Variants in AZGP1 observed in about 807,000 individuals in gnomAD.
AZGP1 encodes alpha-2-glycoprotein 1, zinc-binding.
A neutral mutation model predicts 31.5 loss-of-function variants in AZGP1; 28 were observed. That is an observed-to-expected ratio of 0.89 (90% CI 0.66 to 1.22). The LOEUF (loss-of-function observed/expected upper bound fraction) is 1.22. Ranked by LOEUF, AZGP1 falls within the 50% of genes most tolerant of loss-of-function variation. The pLI, the probability that AZGP1 is intolerant of heterozygous loss-of-function variation, is 0.00. For synonymous variants in AZGP1, 135 were observed against 145.4 expected (o/e 0.93, Z 0.51); for missense variants, 361 against 371.8 (o/e 0.97, Z 0.24).
chr7:99,971,656 A>G (rs904226047), intron 2 of AZGP1, 90 bp downstream of exon 2: 4 of 1,465,442 alleles, frequency 2.7e-6, no homozygotes, highest in Non-Finnish European at 3.7e-6. Flanking sequence ...GATTGGGACT[A>G]TTTCCATCCT....
intron 3 of AZGP1, chr7:99,967,551 A>T: frequency 1.9e-6 from 1 of 536,598 alleles, no homozygotes; most frequent in South Asian, 2.2e-5. Flanking sequence ...CCCACATCTC[A>T]GTGGGCTTTG....
At chr7:99,968,511 G>T in intron 2 of AZGP1, 81 bp from the exon 3 acceptor site, 1 of 1,541,022 alleles carries the variant, frequency 6.5e-7, no homozygotes, top group Non-Finnish European at 8.8e-7. Context: ...TTGCACATTG[G>T]GCAACCCAAA....
chr7:99,970,986 C>T (rs887043708), intron 2 of AZGP1, among the ~76,000 whole-genome samples: 19 of 152,176 alleles, frequency 1.2e-4, no homozygotes, highest in Admixed American at 6.5e-5. Context: ...CTGACCATAG[C>T]GCAGGTGGCC....
intron 2 of AZGP1, among the ~76,000 whole-genome samples, chr7:99,970,719 TCC>T (rs1290447425): frequency 6.6e-6 from 1 of 152,028 alleles, no homozygotes; most frequent in East Asian, 1.9e-4. Context: ...TACCAAGACC[TCC>T]CCCACCCCAC....
intron 1 of AZGP1, among the ~76,000 whole-genome samples, chr7:99,974,775 A>T (rs1451066358): frequency 1.3e-5 from 2 of 152,088 alleles, no homozygotes; most frequent in East Asian, 3.8e-4. Context: ...ATATATACAC[A>T]TACTATGCAC....
intron 1 of AZGP1, among the ~76,000 whole-genome samples, chr7:99,974,651 T>C (rs971448809): frequency 1.1e-4 from 16 of 152,110 alleles, no homozygotes; most frequent in Non-Finnish European, 1.9e-4. Context: ...AAAAGTATAA[T>C]TGGATTGTCT....
Position 99,968,108 on chromosome 7 carries a change from G to A in AZGP1, c.613+47C>T, listed in dbSNP as rs373538707. On this transcript the variant is annotated intron_variant, in intron 3 of 3. Coordinates refer to ENST00000292401, the MANE Select transcript of AZGP1 (RefSeq NM_001185.4). The stretch of plus-strand genomic sequence containing the variant: ...TTGCCTGAGCTCCTAGCCTGAGATC[G>A]TCTTTTATTCTGGGCTCAGTACTGG... The A allele has an allele frequency of 6.4e-5, 102 of 1,606,054 alleles. No homozygotes were observed. In the African/African-American group the frequency reaches 7.1e-4, roughly 11 times the overall value.
chr7:99,973,159 C>T (rs936878340), intron 1 of AZGP1, among the ~76,000 whole-genome samples: 2 of 151,662 alleles, frequency 1.3e-5, no homozygotes, highest in African/African-American at 2.4e-5. Flanking sequence ...CTGACAAATA[C>T]ATATAGTTAG....
At chr7:99,974,863 C>T (rs1789632871) in intron 1 of AZGP1, among the ~76,000 whole-genome samples, 1 of 152,036 alleles carries the variant, frequency 6.6e-6, no homozygotes, top group Non-Finnish European at 1.5e-5. Context: ...TGGTGGGCTT[C>T]ATCCAATCAG....
At chr7:99,967,707 C>T (rs781450195) in intron 3 of AZGP1, 3 of 417,728 alleles carry the variant, frequency 7.2e-6, no homozygotes, top group African/African-American at 2.0e-5. Flanking sequence ...TCCGCTCACA[C>T]TGGCTTGCTC....
intron 1 of AZGP1, 85 bp from the exon 2 acceptor site, chr7:99,972,091 A>T: frequency 1.4e-6 from 2 of 1,451,772 alleles, no homozygotes; most frequent in Admixed American, 4.6e-5. Flanking sequence ...GAGACCTGCC[A>T]CTGGCCTTTT....
In AZGP1 at chr7:99,968,229, G is replaced by A; in HGVS notation, c.539C>T (p.Ala180Val). The change falls in exon 3 of 4, where the codon GCT becomes GTT. Residue 180 changes from alanine to valine, a missense_variant. Coordinates refer to ENST00000292401, the MANE Select transcript of AZGP1 (RefSeq NM_001185.4). ...CGCAGGGCACTCCTCCTCCAGGTAA[G>A]CCTTGGCCCGCTGCACGTAGACTGG... The part of the protein sequence containing the change: ...AEPVYVQRAK[A>V]YLEEECPATL... The A allele has an allele frequency of 6.2e-7, 1 of 1,613,850 alleles. No individual in the cohort carries two copies. Among genetic ancestry groups the A allele is most frequent in the Non-Finnish European group, 8.5e-7 (1 of 1,180,004 alleles).
Position 99,968,141 on chromosome 7 carries a change from G to A in AZGP1, c.613+14C>T. The A allele has an allele frequency of 6.2e-7, 1 of 1,613,736 alleles. No individual in the cohort carries two copies. Among genetic ancestry groups the A allele is most frequent in the Non-Finnish European group, 8.5e-7 (1 of 1,179,942 alleles). Reference sequence around the variant, plus strand: ...TTCTGGGCTCAGTACTGGGGAGCAGGAAGCAGTGAGTACCTTGCCGGTCCA... The same window carrying A: ...TTCTGGGCTCAGTACTGGGGAGCAGAAAGCAGTGAGTACCTTGCCGGTCCA... On this transcript the variant is annotated intron_variant, in intron 3 of 3. Transcript: ENST00000292401.
At chr7:99,975,845 G>T in intron 1 of AZGP1, 100 bp downstream of exon 1, 1 of 1,328,086 alleles carries the variant, frequency 7.5e-7, no homozygotes, top group Non-Finnish European at 1.1e-6. Flanking sequence ...CCGTATGCCA[G>T]GGTATCCCAG....
chr7:99,968,156 T>G lies in AZGP1; in HGVS notation c.612A>C (p.Gln204His). ...LKYSKNILDR[Q>H]DPPSVVVTSH... ...TGGGGAGCAGGAAGCAGTGAGTACC[T>G]TGCCGGTCCAGGATATTTTTGCTGT... The change falls in exon 3 of 4, where the codon CAA becomes CAC. Residue 204 changes from glutamine to histidine, a missense_variant and splice_region_variant. Transcript: ENST00000292401. 1 of 1,613,912 alleles carries G rather than the reference T, an allele frequency of 6.2e-7. No homozygotes were observed. The highest frequency in any genetic ancestry group is 8.5e-7 in the Non-Finnish European group (1 of 1,179,988).
chr7:99,972,714 T>C (rs182983139), intron 1 of AZGP1, among the ~76,000 whole-genome samples: 10 of 152,294 alleles, frequency 6.6e-5, no homozygotes, highest in Non-Finnish European at 1.0e-4. Context: ...TGCTGGAGGC[T>C]GAGGCAGGAA....
At chr7:99,971,694 G>C (rs1789579275) in intron 2 of AZGP1, 52 bp downstream of exon 2, 1 of 1,573,676 alleles carries the variant, frequency 6.4e-7, no homozygotes, top group Non-Finnish European at 8.7e-7. Context: ...CACACTGGGG[G>C]GGCTGCCTCT....
At chr7:99,973,191 A>G (rs982023163) in intron 1 of AZGP1, among the ~76,000 whole-genome samples, 6 of 152,160 alleles carry the variant, frequency 3.9e-5, no homozygotes, top group African/African-American at 1.4e-4. Flanking sequence ...AGGAGAATTT[A>G]CCAGAAAATT....
intron 2 of AZGP1, chr7:99,971,505 CT>C (rs993796519): frequency 5.8e-6 from 3 of 514,342 alleles, no homozygotes; most frequent in African/African-American, 5.8e-5. Context: ...TAGGAAGTGA[CT>C]CTGCCATCAC....
Sources: allele counts gnomAD v4.1 joint callset (sites outside exome capture counted in the v4.1 genomes callset), GRCh38; gene constraint gnomAD v4.1.1; transcripts MANE v1.5; gene names NCBI Gene and HGNC (gene_info 2026-07-23, HGNC 2026-07-21).